KLHL32: variants seen among roughly 807,000 people sequenced by gnomAD.
KLHL32 encodes the protein kelch like family member 32.
In KLHL32, 35 loss-of-function variants were observed where a neutral mutation model predicts 64.8. The ratio of observed to expected loss-of-function variants is 0.54; its 90% CI spans 0.41 to 0.72. The LOEUF is 0.72. KLHL32 is among the 30% of genes least tolerant of loss of function. The pLI is 0.00. For missense variants in KLHL32, 589 were observed against 768.5 expected (o/e 0.77, Z 2.76); for synonymous variants, 259 against 281.0 (o/e 0.92, Z 0.78).
intron 3 of KLHL32, among the ~76,000 whole-genome samples, chr6:96,977,447 A>G (rs1222188571): frequency 2.0e-5 from 3 of 148,668 alleles, no homozygotes; most frequent in Non-Finnish European, 4.4e-5. Flanking sequence ...CTAAATATAC[A>G]TTATTTCAAT....
Position 97,050,257 on chromosome 6 carries a change from A to G in KLHL32, c.312+8658A>G, listed in dbSNP as rs1052285539. On this transcript the variant is annotated intron_variant, in intron 4 of 10. Transcript: ENST00000369261. ...CTTCATTTTCTTGCTGTCACTTGGC[A>G]GAAATAGAATGCGCAACCCCCCAAC... Among the ~76,000 whole-genome samples, 12 of 152,310 alleles carry G rather than the reference A, an allele frequency of 7.9e-5. No homozygotes were observed. The East Asian group carries it at 1.5e-3, about 20-fold the overall frequency.
At chr6:97,105,119 GA>G (rs35419612) in intron 6 of KLHL32, among the ~76,000 whole-genome samples, 2,726 of 152,176 alleles carry the variant, frequency 0.018, 77 homozygotes, top group African/African-American at 0.063. Flanking sequence ...ATATTAAAAG[GA>G]TAACATGCTA....
chr6:97,088,395 C>T (rs1430040238), intron 6 of KLHL32, among the ~76,000 whole-genome samples: 1 of 152,172 alleles, frequency 6.6e-6, no homozygotes, highest in African/African-American at 2.4e-5. Flanking sequence ...CCTGGCAAAT[C>T]TCTATCTGTT....
intron 4 of KLHL32, among the ~76,000 whole-genome samples, chr6:97,043,024 T>TTA (rs1360000616): frequency 2.0e-5 from 3 of 152,248 alleles, no homozygotes; most frequent in African/African-American, 7.2e-5. Flanking sequence ...GCTTCCTCTC[T>TTA]TACTATGTGA....
rs745641018 is a variant in KLHL32, at chr6:97,127,420, G to A, written c.1371G>A (p.Thr457=). Residue 457 remains threonine, a synonymous_variant, in exon 8 of 11, where the codon ACG becomes ACA. Transcript: ENST00000369261. ...LLWISGGVTN[T]AQYQNRLMVY... The stretch of plus-strand genomic sequence containing the variant: ...CCATTACAGGTGGAGTAACTAATAC[G>A]GCACAATATCAGAACAGGCTAATGG... The A allele has an allele frequency of 8.7e-6, 14 of 1,612,984 alleles. No individual in the cohort carries two copies. In the South Asian group the frequency reaches 9.9e-5, roughly 11 times the overall value.
chr6:97,111,830 G>A (rs1797185104), intron 6 of KLHL32, among the ~76,000 whole-genome samples: 1 of 152,140 alleles, frequency 6.6e-6, no homozygotes, highest in African/African-American at 2.4e-5. Flanking sequence ...AAAGGGGATG[G>A]GGTGGGAAGG....
intron 10 of KLHL32, among the ~76,000 whole-genome samples, chr6:97,137,334 T>C (rs1800133818): frequency 6.6e-6 from 1 of 151,870 alleles, no homozygotes; most frequent in Non-Finnish European, 1.5e-5. Context: ...AGAGAAAACG[T>C]TTGTATTTAG....
At chr6:97,077,821 C>G (rs1791842564) in intron 5 of KLHL32, among the ~76,000 whole-genome samples, 1 of 152,160 alleles carries the variant, frequency 6.6e-6, no homozygotes, top group Admixed American at 6.5e-5. Context: ...AAATACTTCT[C>G]TGTTGCAATC....
At chr6:97,033,582 A>AT (rs1401772729) in intron 3 of KLHL32, among the ~76,000 whole-genome samples, 2 of 152,012 alleles carry the variant, frequency 1.3e-5, no homozygotes, top group African/African-American at 2.4e-5. Context: ...TTCTTTTTAA[A>AT]TTTTTTTTAG....
the KLHL32 span, among the ~76,000 whole-genome samples, chr6:96,905,688 T>C: frequency 6.6e-6 from 1 of 152,232 alleles, no homozygotes; most frequent in African/African-American, 2.4e-5. Flanking sequence ...ATTCAAAAAC[T>C]ATTAGCTATT....
intron 3 of KLHL32, among the ~76,000 whole-genome samples, chr6:97,040,847 C>A (rs1199458571): frequency 6.6e-6 from 1 of 152,140 alleles, no homozygotes; most frequent in Non-Finnish European, 1.5e-5. Flanking sequence ...GGGCTCTTCC[C>A]CTTCCCTCGG....
At chr6:96,945,406 A>G (rs1244108221) in intron 1 of KLHL32, among the ~76,000 whole-genome samples, 1 of 152,206 alleles carries the variant, frequency 6.6e-6, no homozygotes, top group Non-Finnish European at 1.5e-5. Context: ...AGGCCCTTTC[A>G]GAGATCACAG....
chr6:97,106,687 T>C (rs1356426558), intron 6 of KLHL32, among the ~76,000 whole-genome samples: 1 of 151,642 alleles, frequency 6.6e-6, no homozygotes, highest in East Asian at 1.9e-4. Context: ...GAAGTCGTAG[T>C]GAGCTGAGAT....
At chr6:97,088,185 GA>G (rs1793712012) in intron 6 of KLHL32, among the ~76,000 whole-genome samples, 1 of 152,112 alleles carries the variant, frequency 6.6e-6, no homozygotes, top group South Asian at 2.1e-4. Flanking sequence ...TAAGGACATA[GA>G]AGTTCCCTAA....
At chr6:97,064,044 A>G (rs1399259006) in intron 4 of KLHL32, among the ~76,000 whole-genome samples, 2 of 152,072 alleles carry the variant, frequency 1.3e-5, no homozygotes, top group Non-Finnish European at 2.9e-5. Flanking sequence ...TGCTAGTTGA[A>G]CCTCCTTTAT....
At chr6:96,985,883 A>G (rs1268925884) in intron 3 of KLHL32, among the ~76,000 whole-genome samples, 3 of 152,158 alleles carry the variant, frequency 2.0e-5, no homozygotes, top group African/African-American at 7.2e-5. Flanking sequence ...CGTCAAAGTC[A>G]TTCTCCGTCC....
chr6:96,947,630 G>A (rs1772081671), intron 1 of KLHL32, among the ~76,000 whole-genome samples: 1 of 152,108 alleles, frequency 6.6e-6, no homozygotes, highest in African/African-American at 2.4e-5. Flanking sequence ...AGTACAGATG[G>A]GAAGGTATAT....
intron 1 of KLHL32, among the ~76,000 whole-genome samples, chr6:96,934,163 G>A (rs1005630007): frequency 3.9e-5 from 6 of 152,162 alleles, no homozygotes; most frequent in Admixed American, 3.9e-4. Flanking sequence ...CTGCAAATAC[G>A]TGCACTCTAG....
At chr6:97,092,371 T>G (rs1206130) in intron 6 of KLHL32, among the ~76,000 whole-genome samples, 1 of 152,142 alleles carries the variant, frequency 6.6e-6, no homozygotes, top group Non-Finnish European at 1.5e-5. Flanking sequence ...TATCTCCTAT[T>G]TTTTAAAGTT....
Sources: gnomAD v4.1 joint callset for allele counts (sites outside exome capture counted in the v4.1 genomes callset) on GRCh38, gnomAD v4.1.1 for gene constraint, MANE v1.5 for transcripts, NCBI Gene and HGNC (gene_info 2026-07-23, HGNC 2026-07-21) for gene names.